SLC2A13: variants seen among roughly 807,000 people sequenced by gnomAD.
The protein encoded by SLC2A13 is proton myo-inositol cotransporter.
SLC2A13 carries 32 observed loss-of-function variants against 64.4 expected under a neutral mutation model. That is an observed-to-expected ratio of 0.50 (90% CI 0.37 to 0.67). The LOEUF (loss-of-function observed/expected upper bound fraction) is 0.67. Ranked by LOEUF, SLC2A13 falls within the 30% of genes least tolerant of loss-of-function variation. The probability of loss-of-function intolerance (pLI) is 0.00; values close to 1 mark genes in which losing one functional copy is unlikely to be tolerated. For missense variants in SLC2A13, 743 were observed against 829.2 expected (o/e 0.90, Z 1.28); for synonymous variants, 338 against 327.1 (o/e 1.03, Z -0.36).
rs183300783 is a variant in SLC2A13 at position 39,824,312 on chromosome 12, G to A, written c.1445+5791C>T. 2.3e-3 allele frequency among the ~76,000 whole-genome samples: 356 copies of A among 152,256 alleles called. 2 individuals carry two copies. Among genetic ancestry groups the A allele is most frequent in the Admixed American group, 0.022 (341 of 15,290 alleles). Reference sequence around the variant, plus strand: ...ACATCAAAGATGAGACTTAGATACCGACTGATATTGAACATCAGCAGTTTA... The same window carrying A: ...ACATCAAAGATGAGACTTAGATACCAACTGATATTGAACATCAGCAGTTTA... On this transcript the variant is annotated intron_variant, in intron 7 of 9. Coordinates refer to ENST00000280871, the MANE Select transcript of SLC2A13 (RefSeq NM_052885.4).
chr12:40,042,182 C>A (rs1948100173), intron 2 of SLC2A13, among the ~76,000 whole-genome samples: 1 of 152,066 alleles, frequency 6.6e-6, no homozygotes, highest in South Asian at 2.1e-4. Flanking sequence ...CTAGCACAAC[C>A]AGACATTTAA....
intron 2 of SLC2A13, among the ~76,000 whole-genome samples, chr12:40,030,241 G>A (rs529729404): frequency 1.1e-4 from 17 of 152,212 alleles, no homozygotes; most frequent in Middle Eastern, 6.8e-3. Flanking sequence ...TAACTGGACC[G>A]TCTCTTCTGG....
Position 39,756,021 on chromosome 12 carries a change from G to A in SLC2A13, c.*4005C>T, listed in dbSNP as rs1361743424. 1 of 151,934 alleles carries A rather than the reference G, an allele frequency of 6.6e-6. No individual in the cohort carries two copies. The highest frequency in any genetic ancestry group is 1.9e-4 in the East Asian group (1 of 5,316). 9.4% of individuals were successfully genotyped at this position (151,934 alleles called of 1,614,324 possible). On this transcript the variant is annotated 3_prime_UTR_variant, in exon 10 of 10. Coordinates refer to ENST00000280871, the MANE Select transcript of SLC2A13 (RefSeq NM_052885.4). The stretch of plus-strand genomic sequence containing the variant: ...AATGATTGCTATTTCTAGAAAAATA[G>A]CAGCAGTATTGCTCACCTAGAAGAG...
At chr12:39,940,120 A>G (rs1945993866) in intron 4 of SLC2A13, among the ~76,000 whole-genome samples, 1 of 152,172 alleles carries the variant, frequency 6.6e-6, no homozygotes, top group Non-Finnish European at 1.5e-5. Context: ...AATGAGTACA[A>G]TTCACTAATC....
At chr12:40,082,547 C>T (rs939040849) in intron 1 of SLC2A13, among the ~76,000 whole-genome samples, 7 of 152,158 alleles carry the variant, frequency 4.6e-5, no homozygotes, top group African/African-American at 1.7e-4. Context: ...TGGGATAGGC[C>T]AGCAAATAGG....
intron 3 of SLC2A13, among the ~76,000 whole-genome samples, chr12:39,973,389 C>T (rs1454657506): frequency 6.6e-6 from 1 of 152,194 alleles, no homozygotes; most frequent in Non-Finnish European, 1.5e-5. Context: ...TTCAGCTTTG[C>T]TTCCTGATAT....
At chr12:39,986,339 A>G (rs1947031075) in intron 3 of SLC2A13, among the ~76,000 whole-genome samples, 1 of 152,118 alleles carries the variant, frequency 6.6e-6, no homozygotes, top group African/African-American at 2.4e-5. Flanking sequence ...ATACTGATCC[A>G]TGCCTGTTTA....
intron 7 of SLC2A13, among the ~76,000 whole-genome samples, chr12:39,803,587 T>C (rs920905240): frequency 6.6e-6 from 1 of 151,976 alleles, no homozygotes; most frequent in Admixed American, 6.6e-5. Flanking sequence ...CATATATATA[T>C]AGAGTCAGAA....
intron 6 of SLC2A13, among the ~76,000 whole-genome samples, chr12:39,833,579 C>T (rs981529665): frequency 3.3e-5 from 5 of 152,066 alleles, no homozygotes; most frequent in African/African-American, 1.2e-4. Context: ...TCTTTCTGAA[C>T]ACTTTTCAAC....
rs530910015 is a variant in SLC2A13, at chr12:39,894,698, A to T, written c.1035-22737T>A. On this transcript the variant is annotated intron_variant, in intron 4 of 9. Transcript: ENST00000280871. ...CCAACAGCTAAAGCAGATATGATCA[A>T]TCATTAAGTTCAAAGTCAATCCAAA... Among the ~76,000 whole-genome samples the T allele has an allele frequency of 2.0e-5, 3 of 152,372 alleles. No homozygotes were observed. In the South Asian group the frequency reaches 6.2e-4, roughly 32 times the overall value.
At position 39,830,283 on chromosome 12, in the gene SLC2A13, T is replaced by A; in HGVS notation, c.1320-55A>T. The A allele has an allele frequency of 1.9e-6, 3 of 1,577,310 alleles. No homozygotes were observed. The South Asian group carries it at 3.5e-5, about 19-fold the overall frequency. On this transcript the variant is annotated intron_variant, in intron 6 of 9. Transcript: ENST00000280871. ...TGGCAGAGACAACTGGTGCTCACCA[T>A]ATACTGGATTCCATGTGCTTCTCTG... is the stretch of plus-strand genomic sequence containing the variant.
chr12:39,757,372 A>G lies in SLC2A13; in HGVS notation c.*2654T>C, dbSNP rs918512158. ...AAAATATATATTTGATGATACTACA[A>G]ATGGAATGTTTCCAAGTTGATAGTG... is the stretch of plus-strand genomic sequence containing the variant. On this transcript the variant is annotated 3_prime_UTR_variant, in exon 10 of 10. Coordinates refer to ENST00000280871, the MANE Select transcript of SLC2A13 (RefSeq NM_052885.4). 3.3e-5 allele frequency: 5 copies of G among 151,876 alleles called. No homozygotes were observed. The highest frequency in any genetic ancestry group is 1.2e-4 in the African/African-American group (5 of 41,408). 9.4% of individuals were successfully genotyped at this position (151,876 alleles called of 1,614,324 possible).
intron 6 of SLC2A13, among the ~76,000 whole-genome samples, chr12:39,855,507 C>A (rs1236867163): frequency 6.6e-6 from 1 of 152,190 alleles, no homozygotes; most frequent in Admixed American, 6.5e-5. Context: ...CTTCATTACA[C>A]TGTTTTGCAA....
At chr12:40,035,640 C>T (rs760049500) in intron 2 of SLC2A13, among the ~76,000 whole-genome samples, 5 of 152,054 alleles carry the variant, frequency 3.3e-5, no homozygotes, top group Non-Finnish European at 5.9e-5. Flanking sequence ...ATATATGATC[C>T]GCAAATGATC....
chr12:40,013,184 A>G (rs952410415), intron 3 of SLC2A13, among the ~76,000 whole-genome samples: 1 of 152,192 alleles, frequency 6.6e-6, no homozygotes, highest in African/African-American at 2.4e-5. Context: ...GATTTAAAAA[A>G]AAAAAACCTG....
At chr12:39,857,133 T>C (rs950808087) in intron 6 of SLC2A13, among the ~76,000 whole-genome samples, 1 of 152,208 alleles carries the variant, frequency 6.6e-6, no homozygotes, top group African/African-American at 2.4e-5. Flanking sequence ...TACATGTTTT[T>C]CCCCCTTTAT....
At chr12:39,919,069 C>CT (rs1401114834) in intron 4 of SLC2A13, among the ~76,000 whole-genome samples, 1 of 151,674 alleles carries the variant, frequency 6.6e-6, no homozygotes, top group Non-Finnish European at 1.5e-5. Context: ...CCACCTCCGT[C>CT]TACTGGGCTC....
intron 2 of SLC2A13, among the ~76,000 whole-genome samples, chr12:40,047,192 A>G (rs1343384310): frequency 2.0e-5 from 3 of 152,110 alleles, no homozygotes; most frequent in Non-Finnish European, 4.4e-5. Flanking sequence ...GTGAGCCACC[A>G]CACCCAGTCC....
rs2135704375 is a variant in SLC2A13, at chr12:39,758,893, T to G, written c.*1133A>C. ...AAAAAAGACAAGTACAATTAAATAA[T>G]AATATGTGACATTTCCCTTAGGAAG... On this transcript the variant is annotated 3_prime_UTR_variant, in exon 10 of 10. Transcript: ENST00000280871. 1 of 152,084 alleles carries G rather than the reference T, an allele frequency of 6.6e-6. No individual in the cohort carries two copies. Among genetic ancestry groups the G allele is most frequent in the East Asian group, 1.9e-4 (1 of 5,244 alleles). 9.4% of individuals were successfully genotyped at this position (152,084 alleles called of 1,614,324 possible).
Sources: gnomAD v4.1 joint callset for allele counts (sites outside exome capture counted in the v4.1 genomes callset) on GRCh38, gnomAD v4.1.1 for gene constraint, MANE v1.5 for transcripts, NCBI Gene and HGNC (gene_info 2026-07-23, HGNC 2026-07-21) for gene names.